The following MGAT5 variants were observed in gnomAD, a reference collection of about 807,000 sequenced individuals.
MGAT5 encodes alpha-1,6-mannosylglycoprotein 6-beta-N-acetylglucosaminyltransferase, also known as alpha-1,6-mannosylglycoprotein 6-beta-N-acetylglucosaminyltransferase A.
A neutral mutation model predicts 94.3 loss-of-function variants in MGAT5; 30 were observed. The ratio of observed to expected loss-of-function variants is 0.32; its 90% CI spans 0.24 to 0.43. The LOEUF (loss-of-function observed/expected upper bound fraction) is 0.43, where lower values mean the gene tolerates loss of function less well. MGAT5 is among the 20% of genes least tolerant of loss of function. The pLI is 1.00. For missense variants in MGAT5, 691 were observed against 905.5 expected, an observed-to-expected ratio of 0.76 and a Z score of 3.04; for synonymous variants, 310 against 322.9, an observed-to-expected ratio of 0.96 and a Z score of 0.43.
chr2:134,374,589 A>T (rs1681037753), intron 10 of MGAT5, among the ~76,000 whole-genome samples: 1 of 152,234 alleles, frequency 6.6e-6, no homozygotes, highest in African/African-American at 2.4e-5. Context: ...CATGTTTAGC[A>T]TCGATACACA....
At chr2:134,311,607 T>C (rs1301233148) in intron 2 of MGAT5, among the ~76,000 whole-genome samples, 1 of 152,194 alleles carries the variant, frequency 6.6e-6, no homozygotes, top group Non-Finnish European at 1.5e-5. Context: ...GAACAGGTAG[T>C]TGAGATTCTT....
At position 134,169,435 on chromosome 2, in the gene MGAT5, CACACATAT is replaced by C. The variant is rs1269229603; in HGVS notation, c.-143+49146_-143+49153del. Among the ~76,000 whole-genome samples, 42 of 150,674 alleles carry C rather than the reference CACACATAT, an allele frequency of 2.8e-4. 1 individual carries two copies. Among genetic ancestry groups the C allele is most frequent in the African/African-American group, 1.0e-3 (41 of 40,326 alleles). On this transcript the variant is annotated intron_variant, in intron 1 of 16. Coordinates refer to the MGAT5 transcript ENST00000409645. ...ACAGACACACACACACACACACACA[CACACATAT>C]ATAAAAGATTGAATTGTACTTCCAT...
chr2:134,133,045 T>G (rs963051363), intron 1 of MGAT5, among the ~76,000 whole-genome samples: 1 of 152,236 alleles, frequency 6.6e-6, no homozygotes, highest in Non-Finnish European at 1.5e-5. Context: ...ATTCAAGTGC[T>G]AGTTATTTAT....
In MGAT5 at chr2:134,189,609, T is replaced by TTGTTTTGTTTTG. The variant is rs1558978195; in HGVS notation, c.-142-64652_-142-64651insGTTTTGTTTTGT. On this transcript the variant is annotated intron_variant, in intron 1 of 16. Transcript: ENST00000409645. ...TGGCTCTAGTTTTTTTTTGTTTTTT[T>TTGTTTTGTTTTG]TTTTTTTTTTTAAGACAGAGTCTCG... Among the ~76,000 whole-genome samples the TTGTTTTGTTTTG allele has an allele frequency of 9.1e-3, 1,223 of 134,126 alleles. 59 individuals carry two copies. The highest frequency in any genetic ancestry group is 0.034 in the African/African-American group (1,184 of 34,620). 88.0% of individuals were successfully genotyped at this position (134,126 alleles called of 152,430 possible).
At chr2:134,120,555 C>T (rs918843350) in intron 1 of MGAT5, among the ~76,000 whole-genome samples, 1 of 151,924 alleles carries the variant, frequency 6.6e-6, no homozygotes, top group Non-Finnish European at 1.5e-5. Context: ...CAGCCCCTCC[C>T]AGGGGAGGCT....
intron 1 of MGAT5, among the ~76,000 whole-genome samples, chr2:134,237,622 CTT>C (rs34504085): frequency 1.4e-4 from 9 of 62,408 alleles, no homozygotes; most frequent in East Asian, 4.6e-4. Flanking sequence ...TGATTTAATT[CTT>C]TTTTTTTTTT....
chr2:134,158,335 G>A (rs1687575132), intron 1 of MGAT5, among the ~76,000 whole-genome samples: 1 of 152,244 alleles, frequency 6.6e-6, no homozygotes, highest in South Asian at 2.1e-4. Context: ...CCCCCTCTAA[G>A]CGCCCCCTTG....
chr2:134,138,581 T>G (rs565566789), intron 1 of MGAT5, among the ~76,000 whole-genome samples: 237 of 152,342 alleles, frequency 1.6e-3, no homozygotes, highest in Non-Finnish European at 2.5e-3. Context: ...CACATGCAGA[T>G]GAATACTTTC....
In MGAT5 at chr2:134,449,979, C is replaced by T. The variant is rs1316804856; in HGVS notation, c.*1132C>T. On this transcript the variant is annotated 3_prime_UTR_variant, in exon 16 of 16. Coordinates refer to ENST00000281923, the MANE Select transcript of MGAT5 (RefSeq NM_002410.5). ...TGCAGTGCCCTGTCCTGGCTACTCA[C>T]CTGAGGGTGTAGCTCGCAAAGGTGG... is the stretch of plus-strand genomic sequence containing the variant. 3 of 152,248 alleles carry T rather than the reference C, an allele frequency of 2.0e-5. No individual in the cohort carries two copies. The highest frequency in any genetic ancestry group is 2.1e-4 in the South Asian group (1 of 4,836). 9.4% of individuals were successfully genotyped at this position (152,248 alleles called of 1,614,324 possible).
At chr2:134,126,238 A>T (rs184255662) in intron 1 of MGAT5, among the ~76,000 whole-genome samples, 58 of 152,282 alleles carry the variant, frequency 3.8e-4, no homozygotes, top group Non-Finnish European at 6.8e-4. Flanking sequence ...CTACCCAAGG[A>T]GTTTAAAGTC....
intron 1 of MGAT5, among the ~76,000 whole-genome samples, chr2:134,127,839 T>G (rs1305287549): frequency 6.6e-6 from 1 of 152,222 alleles, no homozygotes; most frequent in African/African-American, 2.4e-5. Context: ...ACTCAGCTAC[T>G]TTAGTTTCTT....
At chr2:134,180,075 A>G (rs576109713) in intron 1 of MGAT5, among the ~76,000 whole-genome samples, 1 of 152,366 alleles carries the variant, frequency 6.6e-6, no homozygotes, top group South Asian at 2.1e-4. Flanking sequence ...ATGGTCTAAA[A>G]GGGAGAGGAA....
Position 134,448,762 on chromosome 2 carries a change from C to T in MGAT5, c.2141C>T (p.Ala714Val), listed in dbSNP as rs527294802. 6.2e-7 allele frequency: 1 copy of T among 1,614,106 alleles called. No individual in the cohort carries two copies. The highest frequency in any genetic ancestry group is 8.5e-7 in the Non-Finnish European group (1 of 1,180,036). Residue 714 changes from alanine to valine, a missense_variant, in exon 16 of 16, where the codon GCA becomes GTA. Ala to Val is a moderately conservative substitution (Grantham distance 64). Coordinates refer to ENST00000281923, the MANE Select transcript of MGAT5 (RefSeq NM_002410.5). ...GGTGACCTCCTGCTCTTCAGCTGTG[C>T]AGGCGCCCACCCCAGGCACCAGAGG... Reference protein sequence around the residue: ...FQGDLLLFSCAGAHPRHQRVC... With the variant: ...FQGDLLLFSCVGAHPRHQRVC...
At chr2:134,392,821 G>A (rs1293118821) in intron 10 of MGAT5, among the ~76,000 whole-genome samples, 3 of 152,240 alleles carry the variant, frequency 2.0e-5, no homozygotes, top group Admixed American at 1.3e-4. Context: ...ATGTGGCATA[G>A]TGGAAACCAG....
chr2:134,408,030 C>G (rs546367758), intron 11 of MGAT5, among the ~76,000 whole-genome samples: 2 of 152,234 alleles, frequency 1.3e-5, no homozygotes, highest in South Asian at 4.1e-4. Context: ...TGTGTATTCT[C>G]TCTTTGCATC....
rs1408000573 is a variant in MGAT5 at position 134,256,856 on chromosome 2, T to C, written c.241+2212T>C. Among the ~76,000 whole-genome samples, 3 of 152,372 alleles carry C rather than the reference T, an allele frequency of 2.0e-5. No individual in the cohort carries two copies. In the South Asian group the frequency reaches 6.2e-4, roughly 32 times the overall value. On this transcript the variant is annotated intron_variant, in intron 1 of 15. Coordinates refer to ENST00000281923, the MANE Select transcript of MGAT5 (RefSeq NM_002410.5). The stretch of plus-strand genomic sequence containing the variant: ...CTGACACTGCTAGTTTTCTCTTTCA[T>C]CGAATCAACTTTAACGTATCAAAGT...
intron 12 of MGAT5, among the ~76,000 whole-genome samples, chr2:134,419,793 C>G (rs1286162481): frequency 2.0e-5 from 3 of 152,076 alleles, no homozygotes; most frequent in Non-Finnish European, 4.4e-5. Flanking sequence ...TTGGAGCAAC[C>G]TTGTAAATAA....
chr2:134,273,258 C>G (rs1684147469), intron 2 of MGAT5, among the ~76,000 whole-genome samples: 1 of 152,196 alleles, frequency 6.6e-6, no homozygotes, highest in Non-Finnish European at 1.5e-5. Context: ...AGCAGCCCTT[C>G]CTTGCTTTTC....
chr2:134,383,178 T>G (rs137874911), intron 10 of MGAT5, among the ~76,000 whole-genome samples: 1 of 152,210 alleles, frequency 6.6e-6, no homozygotes, highest in African/African-American at 2.4e-5. Context: ...AGTTTTATGG[T>G]AAAATGTTCG....
Sources: allele counts gnomAD v4.1 joint callset (sites outside exome capture counted in the v4.1 genomes callset), GRCh38; gene constraint gnomAD v4.1.1; transcripts MANE v1.5; gene names NCBI Gene and HGNC (gene_info 2026-07-23, HGNC 2026-07-21).